Variants in SULF1 observed in about 807,000 individuals in gnomAD.
The protein encoded by SULF1 is extracellular sulfatase Sulf-1.
SULF1 carries 46 observed loss-of-function variants against 110.5 expected under a neutral mutation model. The ratio of observed to expected loss-of-function variants is 0.42; its 90% confidence interval spans 0.33 to 0.53. The LOEUF (loss-of-function observed/expected upper bound fraction) is 0.53, where lower values mean the gene tolerates loss of function less well. Ranked by LOEUF, SULF1 falls within the 20% of genes least tolerant of loss-of-function variation. The pLI is 0.12. For synonymous variants in SULF1, 371 were observed against 387.1 expected, an observed-to-expected ratio of 0.96 and a Z score of 0.49; for missense variants, 941 against 1,094.2, an observed-to-expected ratio of 0.86 and a Z score of 1.98.
intron 18 of SULF1, 109 bp from the exon 19 acceptor site, chr8:69,629,395 T>C (rs1467407137): frequency 2.6e-5 from 30 of 1,153,904 alleles, no homozygotes; most frequent in Non-Finnish European, 3.7e-5. Flanking sequence ...TCGTCCATTA[T>C]CTCTTATCAA....
chr8:69,531,309 A>G (rs16936017), intron 3 of SULF1, among the ~76,000 whole-genome samples: 12,292 of 152,218 alleles, frequency 0.081, 1,001 homozygotes, highest in East Asian at 0.41. Flanking sequence ...CAGTTTTCAA[A>G]TACATTGTTA....
rs1306904934 is a variant in SULF1 at position 69,628,237 on chromosome 8, G to T, written c.2108+1G>T. ...TAAAGAGCCATCTTCACCCATTCAA[G>T]TAAGTAACTCTCTGTTTTCCACATT... On this transcript the variant is annotated splice_donor_variant, in intron 18 of 22. Coordinates refer to ENST00000402687, the MANE Select transcript of SULF1 (RefSeq NM_001128205.2). LOFTEE classifies it high-confidence loss of function. 1 of 1,613,396 alleles carries T rather than the reference G, an allele frequency of 6.2e-7. No homozygotes were observed. Among genetic ancestry groups the T allele is most frequent in the Non-Finnish European group, 8.5e-7 (1 of 1,179,316 alleles).
intron 5 of SULF1, 97 bp from the exon 6 acceptor site, chr8:69,575,873 T>C: frequency 7.0e-7 from 1 of 1,434,990 alleles, no homozygotes; most frequent in Non-Finnish European, 9.4e-7. Flanking sequence ...GGAAAGGAAA[T>C]GAATAAGTCA....
intron 3 of SULF1, among the ~76,000 whole-genome samples, chr8:69,516,119 A>C (rs1811902565): frequency 6.6e-6 from 1 of 152,232 alleles, no homozygotes; most frequent in African/African-American, 2.4e-5. Flanking sequence ...AGGTATCTTT[A>C]AAGCCATGCC....
chr8:69,578,483 C>T (rs4101021), intron 6 of SULF1, among the ~76,000 whole-genome samples: 30,794 of 142,090 alleles, frequency 0.22, 3,635 homozygotes, highest in Admixed American at 0.3. Flanking sequence ...AGGTATATCT[C>T]CTAATGCTAT....
chr8:69,621,572 C>T (rs551865876), intron 14 of SULF1, among the ~76,000 whole-genome samples: 3 of 152,280 alleles, frequency 2.0e-5, no homozygotes, highest in Admixed American at 6.5e-5. Flanking sequence ...TTTATTTTAT[C>T]GTAATGCCAA....
chr8:69,560,163 G>A (rs948541303), intron 3 of SULF1, among the ~76,000 whole-genome samples: 1 of 152,132 alleles, frequency 6.6e-6, no homozygotes, highest in Middle Eastern at 3.4e-3. Context: ...TGATATATTG[G>A]CCACCATCCC....
In SULF1 at chr8:69,568,187, TAC is replaced by T. The variant is rs1472023630; in HGVS notation, c.172+4041_172+4042del. On this transcript the variant is annotated intron_variant, in intron 5 of 22. Transcript: ENST00000402687. ...CTGTAATGCTGTAGGCAATTTTGGC[TAC>T]TGTGCCTCCAAAAAGAAAGTAACAG... is the stretch of plus-strand genomic sequence containing the variant. Among the ~76,000 whole-genome samples, 3 of 152,234 alleles carry T rather than the reference TAC, an allele frequency of 2.0e-5. No individual in the cohort carries two copies. The East Asian group carries it at 5.8e-4, about 29-fold the overall frequency.
Position 69,603,618 on chromosome 8 carries a change from G to A in SULF1, c.1209G>A (p.Lys403=). The A allele has an allele frequency of 6.2e-7, 1 of 1,613,932 alleles. No homozygotes were observed. The change falls in exon 12 of 23, where the codon AAG becomes AAA. Residue 403 remains lysine (K), a synonymous_variant. Coordinates refer to ENST00000402687, the MANE Select transcript of SULF1 (RefSeq NM_001128205.2). ...CTTTCAGGTTTCGAACAAACAAGAAGGCCAAAATTTGGCGTGATACATTCC... is the reference window on the plus strand; with the variant it reads ...CTTTCAGGTTTCGAACAAACAAGAAAGCCAAAATTTGGCGTGATACATTCC... ...KPGNRFRTNK[K]AKIWRDTFLV...
chr8:69,656,470 C>G (rs1426031109), intron 22 of SULF1, among the ~76,000 whole-genome samples: 2 of 152,178 alleles, frequency 1.3e-5, no homozygotes, highest in African/African-American at 2.4e-5. Flanking sequence ...TGCTCTCTTT[C>G]TCCCAACAAC....
intron 18 of SULF1, among the ~76,000 whole-genome samples, 160 bp from the exon 19 acceptor site, chr8:69,629,344 A>G (rs1015289651): frequency 2.0e-5 from 3 of 152,028 alleles, no homozygotes; most frequent in African/African-American, 7.3e-5. Flanking sequence ...TGCCTTCACT[A>G]TTCCTGATTC....
chr8:69,496,029 T>C (rs556957546), intron 2 of SULF1, 103 bp downstream of exon 2: 2 of 152,384 alleles, frequency 1.3e-5, no homozygotes, highest in South Asian at 4.1e-4. Context: ...GCTGTGACTT[T>C]TTAAATCTTG....
At chr8:69,522,897 C>G (rs1330084722) in intron 3 of SULF1, among the ~76,000 whole-genome samples, 1 of 151,820 alleles carries the variant, frequency 6.6e-6, no homozygotes, top group Non-Finnish European at 1.5e-5. Flanking sequence ...ATTATTTAGG[C>G]AAAGATAAAA....
At position 69,627,857 on chromosome 8, in the gene SULF1, G is replaced by GT; in HGVS notation, c.2034dup (p.Lys679Ter). ...AGGAAGCCTGAGGAATGTAGCTGCA[G>GT]TAAACAAAGGTGAGCTTGTTTCCAT... On this transcript the variant is annotated frameshift_variant, in exon 17 of 23. Transcript: ENST00000402687. LOFTEE classifies it high-confidence loss of function. The GT allele has an allele frequency of 6.2e-7, 1 of 1,611,566 alleles. No homozygotes were observed. The highest frequency in any genetic ancestry group is 8.5e-7 in the Non-Finnish European group (1 of 1,178,676).
In SULF1 at chr8:69,606,058, G is replaced by C. The variant is rs11995285; in HGVS notation, c.1377+1126G>C. On this transcript the variant is annotated intron_variant, in intron 13 of 22. Transcript: ENST00000402687. Reference sequence around the variant, plus strand: ...CACCAACACCAGTTCAAGATGTCAGGCTCATGGAATGAGTAGGTAACAAAG... The same window carrying C: ...CACCAACACCAGTTCAAGATGTCAGCCTCATGGAATGAGTAGGTAACAAAG... Among the ~76,000 whole-genome samples the C allele has an allele frequency of 6.8e-3, 1,040 of 152,282 alleles. 14 individuals carry two copies. The highest frequency in any genetic ancestry group is 0.024 in the African/African-American group (993 of 41,564).
intron 5 of SULF1, among the ~76,000 whole-genome samples, chr8:69,572,749 C>T (rs555560120): frequency 1.3e-5 from 2 of 152,274 alleles, no homozygotes; most frequent in Admixed American, 6.5e-5. Context: ...GCTTATTATG[C>T]CCTTCAGGTG....
intron 8 of SULF1, among the ~76,000 whole-genome samples, chr8:69,596,317 AT>A (rs923717350): frequency 9.4e-5 from 14 of 149,388 alleles, no homozygotes; most frequent in South Asian, 6.4e-4. Flanking sequence ...CCAACACAGA[AT>A]TTTTTTTTTT....
At position 69,590,368 on chromosome 8, in the gene SULF1, G is replaced by A. The variant is rs1288296501; in HGVS notation, c.734+1227G>A. Reference sequence around the variant, plus strand: ...AGTAGAGACGCAGTTCCACCATGTTGGCCAGGCTGGTCTCAAACTCCCCTG... The same window carrying A: ...AGTAGAGACGCAGTTCCACCATGTTAGCCAGGCTGGTCTCAAACTCCCCTG... On this transcript the variant is annotated intron_variant, in intron 8 of 22. Transcript: ENST00000402687. 3.9e-5 allele frequency among the ~76,000 whole-genome samples: 6 copies of A among 152,102 alleles called. 1 individual carries two copies. Among genetic ancestry groups the A allele is most frequent in the Non-Finnish European group, 8.8e-5 (6 of 68,022 alleles).
chr8:69,621,215 A>G lies in SULF1; in HGVS notation c.1558A>G (p.Ser520Gly), dbSNP rs374818506. 3.7e-6 allele frequency: 6 copies of G among 1,613,778 alleles called. No individual in the cohort carries two copies. The African/African-American group carries it at 5.3e-5, about 14-fold the overall frequency. ...CCGTGCCAGCAGAAGCCAAAGAAAGAGTCAACGGCAATTCTTGAGAAACCA... is the reference window on the plus strand; with the variant it reads ...CCGTGCCAGCAGAAGCCAAAGAAAGGGTCAACGGCAATTCTTGAGAAACCA... ...GYRASRSQRK[S>G]QRQFLRNQGT... Residue 520 changes from serine to glycine, a missense_variant, in exon 14 of 23, where the codon AGT becomes GGT. By Grantham distance (56) the Ser-to-Gly change is moderately conservative. Coordinates refer to ENST00000402687, the MANE Select transcript of SULF1 (RefSeq NM_001128205.2).
Sources: gnomAD v4.1 joint callset for allele counts (sites outside exome capture counted in the v4.1 genomes callset) on GRCh38, gnomAD v4.1.1 for gene constraint, MANE v1.5 for transcripts, NCBI Gene and HGNC (gene_info 2026-07-23, HGNC 2026-07-21) for gene names.